The following PDSS2 variants were observed in gnomAD, a reference collection of about 807,000 sequenced individuals.
PDSS2 encodes decaprenyl diphosphate synthase subunit 2, also known as all trans-polyprenyl-diphosphate synthase PDSS2.
PDSS2 carries 31 observed loss-of-function variants against 44.5 expected under a neutral mutation model. That is an observed-to-expected ratio of 0.70 (90% CI 0.52 to 0.94). The LOEUF (loss-of-function observed/expected upper bound fraction) is 0.94, where lower values mean the gene tolerates loss of function less well. PDSS2 is among the 40% of genes least tolerant of loss of function. The probability of loss-of-function intolerance (pLI) is 0.00; values close to 1 mark genes in which losing one functional copy is unlikely to be tolerated. For synonymous variants in PDSS2, 157 were observed against 180.3 expected, an observed-to-expected ratio of 0.87 and a Z score of 1.03; for missense variants, 452 against 482.2, an observed-to-expected ratio of 0.94 and a Z score of 0.59.
intron 1 of PDSS2, among the ~76,000 whole-genome samples, chr6:107,410,113 G>T (rs1380437132): frequency 6.6e-6 from 1 of 151,970 alleles, no homozygotes; most frequent in African/African-American, 2.4e-5. Context: ...GGCCATCCAG[G>T]GCTTTGCCAT....
intron 7 of PDSS2, among the ~76,000 whole-genome samples, chr6:107,188,777 T>C (rs6924886): frequency 0.24 from 37,139 of 152,136 alleles, 5,577 homozygotes; most frequent in East Asian, 0.54. Context: ...CCTCTCTTGC[T>C]AGGTGACATG....
intron 3 of PDSS2, among the ~76,000 whole-genome samples, chr6:107,254,259 C>T (rs999927568): frequency 6.6e-6 from 1 of 151,930 alleles, no homozygotes; most frequent in South Asian, 2.1e-4. Flanking sequence ...GTCTTGAACA[C>T]CTGACCTCGT....
chr6:107,441,967 C>A (rs1781522905), intron 1 of PDSS2, among the ~76,000 whole-genome samples: 1 of 152,122 alleles, frequency 6.6e-6, no homozygotes, highest in South Asian at 2.1e-4. Flanking sequence ...GAGCAGCCAT[C>A]CAAGGATAAA....
intron 4 of PDSS2, among the ~76,000 whole-genome samples, chr6:107,233,066 C>T (rs1297267419): frequency 6.6e-6 from 1 of 152,168 alleles, no homozygotes; most frequent in East Asian, 1.9e-4. Context: ...ATCTTCCTGC[C>T]TTGGCCTCCT....
chr6:107,319,799 C>T (rs1777326171), intron 2 of PDSS2, among the ~76,000 whole-genome samples: 7 of 152,276 alleles, frequency 4.6e-5, no homozygotes, highest in Admixed American at 3.3e-4. Flanking sequence ...TTGAATTAAA[C>T]CCTAATAATT....
chr6:107,352,384 T>C (rs1249396572), intron 1 of PDSS2, among the ~76,000 whole-genome samples: 2 of 152,226 alleles, frequency 1.3e-5, no homozygotes, highest in Non-Finnish European at 2.9e-5. Context: ...ATTTTTTATA[T>C]ACTAAACTCA....
chr6:107,324,181 T>C (rs1777467963), intron 2 of PDSS2, among the ~76,000 whole-genome samples: 1 of 152,208 alleles, frequency 6.6e-6, no homozygotes, highest in Admixed American at 6.5e-5. Flanking sequence ...CTGGTTGTAA[T>C]GAATTAGTAA....
chr6:107,293,390 GT>G (rs1776408466), intron 2 of PDSS2, among the ~76,000 whole-genome samples: 1 of 152,178 alleles, frequency 6.6e-6, no homozygotes, highest in African/African-American at 2.4e-5. Context: ...ACATGAAAAG[GT>G]TATACAAATA....
intron 7 of PDSS2, among the ~76,000 whole-genome samples, chr6:107,191,722 C>T (rs980408220): frequency 6.6e-6 from 1 of 152,150 alleles, no homozygotes; most frequent in Non-Finnish European, 1.5e-5. Context: ...GCAATCCTCC[C>T]ATCTCAGCCT....
chr6:107,431,318 T>A (rs919885555), intron 1 of PDSS2, among the ~76,000 whole-genome samples: 3 of 152,176 alleles, frequency 2.0e-5, no homozygotes, highest in Non-Finnish European at 4.4e-5. Context: ...AGTAGCGCAA[T>A]CATGGCTCAC....
At chr6:107,365,971 C>CA (rs1778949007) in intron 1 of PDSS2, among the ~76,000 whole-genome samples, 1 of 152,070 alleles carries the variant, frequency 6.6e-6, no homozygotes, top group South Asian at 2.1e-4. Context: ...ACTCTGCTTT[C>CA]AATAATTAAT....
chr6:107,361,492 A>G (rs1022669179), intron 1 of PDSS2, among the ~76,000 whole-genome samples: 1 of 152,192 alleles, frequency 6.6e-6, no homozygotes, highest in African/African-American at 2.4e-5. Flanking sequence ...TTCAGGGTTG[A>G]CATTTTCTAC....
chr6:107,243,324 A>C (rs1774504068), intron 4 of PDSS2, among the ~76,000 whole-genome samples: 1 of 152,216 alleles, frequency 6.6e-6, no homozygotes, highest in South Asian at 2.1e-4. Context: ...GTGTACAAAG[A>C]AAGTATAAGC....
At chr6:107,441,715 C>G (rs536667692) in intron 1 of PDSS2, among the ~76,000 whole-genome samples, 2 of 152,262 alleles carry the variant, frequency 1.3e-5, no homozygotes, top group East Asian at 3.9e-4. Context: ...ACAGGGTGCC[C>G]TGCTCAGAAT....
intron 2 of PDSS2, among the ~76,000 whole-genome samples, chr6:107,300,228 C>T (rs937333072): frequency 6.6e-6 from 1 of 152,176 alleles, no homozygotes; most frequent in Non-Finnish European, 1.5e-5. Flanking sequence ...CAGTCCATGA[C>T]TAAGATCTAC....
intron 2 of PDSS2, among the ~76,000 whole-genome samples, chr6:107,308,586 G>T (rs1211165600): frequency 6.6e-6 from 1 of 152,176 alleles, no homozygotes; most frequent in Non-Finnish European, 1.5e-5. Context: ...CTGCTGTAGG[G>T]GTACACAGTT....
intron 1 of PDSS2, among the ~76,000 whole-genome samples, chr6:107,368,568 T>C (rs979323271): frequency 5.3e-5 from 8 of 152,126 alleles, no homozygotes; most frequent in African/African-American, 1.7e-4. Context: ...AAATTGATAA[T>C]GTGGGCCAGT....
intron 2 of PDSS2, among the ~76,000 whole-genome samples, chr6:107,303,494 TG>T (rs1776761486): frequency 6.6e-6 from 1 of 152,252 alleles, no homozygotes; most frequent in African/African-American, 2.4e-5. Flanking sequence ...TTTTAACATA[TG>T]TTTATAAACA....
intron 1 of PDSS2, among the ~76,000 whole-genome samples, chr6:107,392,188 C>G (rs749443344): frequency 5.3e-5 from 8 of 152,072 alleles, no homozygotes; most frequent in Non-Finnish European, 1.2e-4. Context: ...AAAGTGGACC[C>G]TAGATGAAAA....
Sources: gnomAD v4.1 joint callset for allele counts (sites outside exome capture counted in the v4.1 genomes callset) on GRCh38, gnomAD v4.1.1 for gene constraint, MANE v1.5 for transcripts, NCBI Gene and HGNC (gene_info 2026-07-23, HGNC 2026-07-21) for gene names.